HIRA: variants seen among roughly 807,000 people sequenced by gnomAD.
HIRA encodes histone cell cycle regulator, also known as protein HIRA.
Under a neutral mutation model 126.6 loss-of-function variants are expected in HIRA, and 13 were observed. That is an observed-to-expected ratio of 0.10 (90% CI 0.07 to 0.16). HIRA has a LOEUF of 0.16. Ranked by LOEUF, HIRA falls within the 10% of genes least tolerant of loss-of-function variation. The pLI is 1.00. For missense variants in HIRA, 834 were observed against 1,314.4 expected (o/e 0.63, Z 5.65); for synonymous variants, 511 against 520.0 (o/e 0.98, Z 0.24).
intron 1 of HIRA, among the ~76,000 whole-genome samples, chr22:19,413,296 T>A (rs1258128721): frequency 6.6e-6 from 1 of 152,130 alleles, no homozygotes; most frequent in Non-Finnish European, 1.5e-5. Flanking sequence ...AAGGCAGGGA[T>A]GGAGGCTGGC....
intron 5 of HIRA, among the ~76,000 whole-genome samples, chr22:19,398,691 T>C (rs2089243171): frequency 6.6e-6 from 1 of 152,156 alleles, no homozygotes. Flanking sequence ...AAAAACAAAA[T>C]CTAGGCCAGG....
At chr22:19,356,103 C>T (rs1376331100) in intron 20 of HIRA, 127 bp downstream of exon 20, 42 of 892,044 alleles carry the variant, frequency 4.7e-5, no homozygotes, top group Non-Finnish European at 6.8e-5. Context: ...AGCGTAACCA[C>T]ACCTCCTGCC....
chr22:19,343,363 G>C (rs1482142827), intron 24 of HIRA, among the ~76,000 whole-genome samples: 4 of 151,842 alleles, frequency 2.6e-5, no homozygotes, highest in Non-Finnish European at 4.4e-5. Context: ...ACCAGCCTGG[G>C]CAACACAGCA....
chr22:19,386,192 T>C (rs1030182330), intron 11 of HIRA, among the ~76,000 whole-genome samples: 1 of 152,170 alleles, frequency 6.6e-6, no homozygotes, highest in Non-Finnish European at 1.5e-5. Context: ...GAAGTCCCCA[T>C]TGGCCTGCTT....
chr22:19,374,828 GC>G (rs773055388), intron 15 of HIRA, among the ~76,000 whole-genome samples: 9 of 152,206 alleles, frequency 5.9e-5, no homozygotes, highest in Non-Finnish European at 1.3e-4. Context: ...GGGCTGCTGA[GC>G]CCTATAAACC....
At chr22:19,377,561 G>A (rs2089030759) in intron 14 of HIRA, among the ~76,000 whole-genome samples, 1 of 152,022 alleles carries the variant, frequency 6.6e-6, no homozygotes, top group Admixed American at 6.5e-5. Context: ...AGCACCTCCA[G>A]TGTAGAGCTG....
chr22:19,356,788 C>A (rs1381859356), intron 19 of HIRA, 102 bp downstream of exon 19: 2 of 1,207,152 alleles, frequency 1.7e-6, no homozygotes, highest in Non-Finnish European at 2.3e-6. Context: ...GCCTGATGGC[C>A]AGCCTTGTCC....
chr22:19,368,488 G>A (rs1295480233), intron 15 of HIRA, among the ~76,000 whole-genome samples: 2 of 150,534 alleles, frequency 1.3e-5, no homozygotes, highest in Non-Finnish European at 3.0e-5. Context: ...TTACTATGTT[G>A]TAAAAATCAG....
rs895509468 is a variant in HIRA at position 19,418,984 on chromosome 22, T to G, written c.38-8206A>C. Among the ~76,000 whole-genome samples the G allele has an allele frequency of 4.6e-5, 7 of 152,152 alleles. No individual in the cohort carries two copies. In the East Asian group the frequency reaches 1.3e-3, roughly 29 times the overall value. On this transcript the variant is annotated intron_variant, in intron 1 of 24. Coordinates refer to ENST00000263208, the MANE Select transcript of HIRA (RefSeq NM_003325.4). ...GTTTTTAAAAAACGATATATATGTG[T>G]GTGTACTAATATATAAGGCAGTAGA...
At chr22:19,366,348 C>T (rs544632507) in intron 15 of HIRA, among the ~76,000 whole-genome samples, 52 of 152,268 alleles carry the variant, frequency 3.4e-4, no homozygotes, top group African/African-American at 2.9e-4. Flanking sequence ...GGCGACAGAG[C>T]GAGACTCCGT....
At chr22:19,396,994 T>C in intron 6 of HIRA, 47 bp from the exon 7 acceptor site, 1 of 1,574,776 alleles carries the variant, frequency 6.4e-7, no homozygotes, top group African/African-American at 1.3e-5. Context: ...GAGGGAAACA[T>C]GACCTGCAAT....
At chr22:19,345,110 G>A (rs1365028533) in intron 24 of HIRA, among the ~76,000 whole-genome samples, 9 of 152,120 alleles carry the variant, frequency 5.9e-5, no homozygotes, top group Non-Finnish European at 1.2e-4. Context: ...AATATTTAAC[G>A]TAGTATTAAG....
intron 1 of HIRA, among the ~76,000 whole-genome samples, chr22:19,429,358 G>A (rs140862325): frequency 6.6e-6 from 1 of 151,936 alleles, no homozygotes; most frequent in South Asian, 2.1e-4. Context: ...GGATGGTCTC[G>A]ATCTCTTGAC....
rs149995313 is a variant in HIRA at position 19,357,576 on chromosome 22, A to G, written c.2235-525T>C. ...GAGTGCGTTACAGAACAGTCTGGAC[A>G]CTGTCCAGCTTCTCCCGAGTGACCA... On this transcript the variant is annotated intron_variant, in intron 18 of 24. Coordinates refer to ENST00000263208, the MANE Select transcript of HIRA (RefSeq NM_003325.4). Among the ~76,000 whole-genome samples the G allele has an allele frequency of 5.2e-3, 787 of 152,334 alleles. 14 individuals are homozygous for G. The highest frequency in any genetic ancestry group is 0.019 in the African/African-American group (770 of 41,580).
chr22:19,355,998 A>G (rs2088808279), intron 20 of HIRA, 133 bp from the exon 21 acceptor site: 3 of 730,496 alleles, frequency 4.1e-6, no homozygotes, highest in Non-Finnish European at 7.0e-6. Context: ...CTTGGCAAAT[A>G]GGGAGGGCAA....
At chr22:19,387,646 G>T in intron 11 of HIRA, 65 bp downstream of exon 11, 2 of 1,158,348 alleles carry the variant, frequency 1.7e-6, no homozygotes, top group Non-Finnish European at 1.3e-6. Flanking sequence ...TAGTCAAAGG[G>T]GTCTCTCAGA....
At chr22:19,341,386 T>C (rs2088626510) in intron 24 of HIRA, among the ~76,000 whole-genome samples, 1 of 149,892 alleles carries the variant, frequency 6.7e-6, no homozygotes. Flanking sequence ...GAGGCAGAGT[T>C]TGCCATGAGC....
intron 5 of HIRA, chr22:19,399,120 C>T (rs2089246814): frequency 1.0e-6 from 1 of 985,402 alleles, no homozygotes; most frequent in Non-Finnish European, 1.2e-6. Context: ...TGGTGCCAAC[C>T]TTGCCTATCC....
At chr22:19,416,126 T>C (rs2089395215) in intron 1 of HIRA, among the ~76,000 whole-genome samples, 1 of 152,118 alleles carries the variant, frequency 6.6e-6, no homozygotes, top group Non-Finnish European at 1.5e-5. Flanking sequence ...GACCATTCAA[T>C]GGGGAAAGAA....
Sources: allele counts gnomAD v4.1 joint callset (sites outside exome capture counted in the v4.1 genomes callset), GRCh38; gene constraint gnomAD v4.1.1; transcripts MANE v1.5; gene names NCBI Gene and HGNC (gene_info 2026-07-23, HGNC 2026-07-21).